The following PEX14 variants were observed in gnomAD, a reference collection of about 807,000 sequenced individuals.
The protein encoded by PEX14 is peroxisomal biogenesis factor 14, also known as peroxisomal membrane protein PEX14.
A neutral mutation model predicts 49.5 loss-of-function variants in PEX14; 15 were observed. That is an observed-to-expected ratio of 0.30 (90% CI 0.20 to 0.47). The LOEUF is 0.47. Among genes scored for constraint, PEX14 ranks in the 20% least tolerant of loss-of-function variants. The pLI is 1.00. For synonymous variants in PEX14, 210 were observed against 212.7 expected (o/e 0.99, Z 0.11); for missense variants, 398 against 494.8 (o/e 0.80, Z 1.86).
intron 3 of PEX14, among the ~76,000 whole-genome samples, chr1:10,580,545 G>A (rs557717501): frequency 4.6e-5 from 7 of 152,018 alleles, no homozygotes; most frequent in East Asian, 1.9e-4. Context: ...CACTGCACCC[G>A]GCCAAGATTC....
chr1:10,570,092 C>T (rs1467853654), intron 3 of PEX14, among the ~76,000 whole-genome samples: 3 of 151,744 alleles, frequency 2.0e-5, no homozygotes, highest in South Asian at 4.2e-4. Flanking sequence ...ATCTTTTTTG[C>T]CCTACTTTAT....
intron 1 of PEX14, among the ~76,000 whole-genome samples, chr1:10,491,487 C>G (rs1490770772): frequency 1.3e-5 from 2 of 151,996 alleles, no homozygotes; most frequent in African/African-American, 4.8e-5. Flanking sequence ...ATCAAGCGAG[C>G]CTCCTGAGTA....
chr1:10,622,343 C>A (rs1641619729), intron 5 of PEX14, among the ~76,000 whole-genome samples: 1 of 152,202 alleles, frequency 6.6e-6, no homozygotes, highest in Admixed American at 6.5e-5. Context: ...AACTCGACTT[C>A]TTTTGACTCT....
chr1:10,557,352 G>A (rs568833679), intron 3 of PEX14, among the ~76,000 whole-genome samples: 4 of 152,298 alleles, frequency 2.6e-5, no homozygotes, highest in African/African-American at 7.2e-5. Flanking sequence ...TTGGGAGGCC[G>A]AGGTGGGCGG....
In PEX14 at chr1:10,623,160, C is replaced by A; in HGVS notation, c.487+39C>A. Reference sequence around the variant, plus strand: ...ACTCCATCAAGTCACCCCTCACAGCCTTCTCCAAGCAGCCCCTTCTCTGCC... The same window carrying A: ...ACTCCATCAAGTCACCCCTCACAGCATTCTCCAAGCAGCCCCTTCTCTGCC... On this transcript the variant is annotated intron_variant, in intron 6 of 8. Transcript: ENST00000356607. The surrounding 1 kb of genome is among the most constrained non-coding windows in gnomAD (Gnocchi z 4.4). 1 of 1,379,150 alleles carries A rather than the reference C, an allele frequency of 7.3e-7. No homozygotes were observed. The highest frequency in any genetic ancestry group is 1.0e-6 in the Non-Finnish European group (1 of 972,246). 85.4% of individuals were successfully genotyped at this position (1,379,150 alleles called of 1,614,324 possible).
chr1:10,562,850 G>A (rs1158516474), intron 3 of PEX14, among the ~76,000 whole-genome samples: 2 of 151,882 alleles, frequency 1.3e-5, no homozygotes, highest in Non-Finnish European at 2.9e-5. Context: ...TATGAAGATT[G>A]CTGAATCTTC....
intron 2 of PEX14, among the ~76,000 whole-genome samples, chr1:10,525,652 G>A (rs892222123): frequency 1.3e-5 from 2 of 152,144 alleles, no homozygotes; most frequent in African/African-American, 4.8e-5. Flanking sequence ...TCAAAATGGA[G>A]TGTCACTCTG....
At chr1:10,490,300 A>G (rs1641448062) in intron 1 of PEX14, among the ~76,000 whole-genome samples, 1 of 152,184 alleles carries the variant, frequency 6.6e-6, no homozygotes, top group South Asian at 2.1e-4. Flanking sequence ...GTCACCGGGC[A>G]GATGCAGGAT....
Position 10,474,972 on chromosome 1 carries a change from G to A in PEX14, c.6G>A (p.Ala2=), listed in dbSNP as rs1641166292. 6.2e-7 allele frequency: 1 copy of A among 1,608,856 alleles called. No individual in the cohort carries two copies. Among genetic ancestry groups the A allele is most frequent in the South Asian group, 1.1e-5 (1 of 90,040 alleles). The change falls in exon 1 of 9, where the codon GCG becomes GCA. Residue 2 remains alanine, a synonymous_variant. Coordinates refer to ENST00000356607, the MANE Select transcript of PEX14 (RefSeq NM_004565.3). ...ATTAGTCAGGCCTCAGAAAGATGGCGTCCTCGGAGCAGGCAGAGCAGCCGA... is the reference window on the plus strand; with the variant it reads ...ATTAGTCAGGCCTCAGAAAGATGGCATCCTCGGAGCAGGCAGAGCAGCCGA... The part of the protein sequence containing the change: M[A]SSEQAEQPSQ...
intron 3 of PEX14, among the ~76,000 whole-genome samples, chr1:10,555,370 G>A (rs959157976): frequency 6.6e-6 from 1 of 152,042 alleles, no homozygotes; most frequent in South Asian, 2.1e-4. Flanking sequence ...TACAGAGTCG[G>A]GGGGAGAGAT....
chr1:10,502,262 C>G (rs1641695310), intron 2 of PEX14, among the ~76,000 whole-genome samples: 1 of 152,084 alleles, frequency 6.6e-6, no homozygotes, highest in Admixed American at 6.6e-5. Flanking sequence ...TGGGAAGGTG[C>G]CTGTGATTCC....
chr1:10,617,529 C>T (rs1479446415), intron 4 of PEX14, among the ~76,000 whole-genome samples: 5 of 152,204 alleles, frequency 3.3e-5, no homozygotes, highest in African/African-American at 1.2e-4. Flanking sequence ...TCTCCGTTCT[C>T]CCCAGCACCC....
At chr1:10,575,413 CATTTTGT>C (rs1465855243) in intron 3 of PEX14, among the ~76,000 whole-genome samples, 2 of 152,070 alleles carry the variant, frequency 1.3e-5, no homozygotes, top group African/African-American at 4.8e-5. Context: ...AAATAAATGG[CATTTTGT>C]ACACATAAAA....
At position 10,624,270 on chromosome 1, in the gene PEX14, G is replaced by T. The variant is rs1641680209; in HGVS notation, c.488-70G>T. 3.1e-6 allele frequency: 3 copies of T among 967,752 alleles called. No individual in the cohort carries two copies. The Admixed American group carries it at 5.1e-5, about 16-fold the overall frequency. The allele number at this position is 967,752 out of a possible 1,614,324, so 59.9% of individuals were successfully genotyped here. On this transcript the variant is annotated intron_variant, in intron 6 of 8. Coordinates refer to ENST00000356607, the MANE Select transcript of PEX14 (RefSeq NM_004565.3). ...GCGGGAACACGGGCAGCTCCGAGGT[G>T]TGCGGACCGAGCGAGGGGAACGTCT...
Position 10,496,277 on chromosome 1 carries a change from A to G in PEX14, c.84+956A>G, listed in dbSNP as rs959557915. ...ACTGCTGGGACTGTTTCAGGGGAGC[A>G]GTGTTGTCATTCATGTCACCTGCTG... On this transcript the variant is annotated intron_variant, in intron 2 of 8. Transcript: ENST00000356607. 2.0e-5 allele frequency among the ~76,000 whole-genome samples: 3 copies of G among 152,176 alleles called. No individual in the cohort carries two copies. In the East Asian group the frequency reaches 5.8e-4, roughly 29 times the overall value.
chr1:10,540,410 A>G (rs1638967823), intron 3 of PEX14, among the ~76,000 whole-genome samples: 1 of 151,996 alleles, frequency 6.6e-6, no homozygotes, highest in Admixed American at 6.5e-5. Flanking sequence ...TTTAGCATTG[A>G]TTTCATAACA....
At position 10,623,224 on chromosome 1, in the gene PEX14, T is replaced by G. The variant is rs991548224; in HGVS notation, c.487+103T>G. 2.7e-6 allele frequency: 2 copies of G among 753,482 alleles called. No homozygotes were observed. The highest frequency in any genetic ancestry group is 4.0e-5 in the Admixed American group (2 of 49,838). The allele number at this position is 753,482 out of a possible 1,614,324, so 46.7% of individuals were successfully genotyped here. ...TCTGTCTCCACTCTATGTGGTGACT[T>G]CATTTATCTGCTCTGAGAATCTGTT... On this transcript the variant is annotated intron_variant, in intron 6 of 8. Coordinates refer to ENST00000356607, the MANE Select transcript of PEX14 (RefSeq NM_004565.3). This position sits in a 1 kb window ranked among gnomAD's most constrained non-coding sequence, Gnocchi z 4.4.
At chr1:10,509,151 T>C (rs927270482) in intron 2 of PEX14, among the ~76,000 whole-genome samples, 1 of 152,120 alleles carries the variant, frequency 6.6e-6, no homozygotes, top group Non-Finnish European at 1.5e-5. Context: ...GGTTTCACCA[T>C]GTCAGCCAGG....
In PEX14 at chr1:10,577,552, ATATATATATATTTTTTTTTTTTTTTTT is replaced by A. The variant is rs1640171667; in HGVS notation, c.170-21684_170-21658del. ...TACATATATATATATATATATATAT[ATATATATATATTTTTTTTTTTTTTTTT>A]TTTTTTTTTTTTTTTTTTTTTTTTT... On this transcript the variant is annotated intron_variant, in intron 3 of 8. Coordinates refer to ENST00000356607, the MANE Select transcript of PEX14 (RefSeq NM_004565.3). 5.4e-4 allele frequency among the ~76,000 whole-genome samples: 5 copies of A among 9,212 alleles called. 1 individual carries two copies. The highest frequency in any genetic ancestry group is 9.2e-3 in the South Asian group (2 of 218). The allele number at this position is 9,212 out of a possible 152,430, so 6.0% of individuals were successfully genotyped here. A position where few individuals can be genotyped will look rare whatever the true frequency, so the allele number is the denominator to read the frequency against.
Sources: gnomAD v4.1 joint callset for allele counts (sites outside exome capture counted in the v4.1 genomes callset) on GRCh38, gnomAD v4.1.1 for gene constraint, Gnocchi (gnomAD v3.1) non-coding constraint, MANE v1.5 for transcripts, NCBI Gene and HGNC (gene_info 2026-07-23, HGNC 2026-07-21) for gene names.